Variants in ITGAL observed in about 807,000 individuals in gnomAD.
The protein encoded by ITGAL is integrin subunit alpha L, also known as integrin alpha-L.
ITGAL carries 68 observed loss-of-function variants against 138.4 expected under a neutral mutation model. The observed-to-expected ratio is 0.49, with a 90% CI of 0.40 to 0.60. ITGAL has a LOEUF of 0.60. Among genes scored for constraint, ITGAL ranks in the 20% least tolerant of loss-of-function variants. The pLI is 0.00. For synonymous variants in ITGAL, 561 were observed against 584.3 expected (o/e 0.96, Z 0.57); for missense variants, 1,256 against 1,478.6 (o/e 0.85, Z 2.47).
rs193227104 is a variant in ITGAL, at chr16:30,496,537, G to A, written c.1803G>A (p.Val601=). The change falls in exon 15 of 31, where the codon GTG becomes GTA. Residue 601 remains valine, a synonymous_variant. Transcript: ENST00000356798. ...LEGDGLADVA[V]GAESQMIVLS... ...GGGATGGCTTGGCAGATGTGGCTGT[G>A]GGGGCTGAGAGCCAGATGATCGTGC... is the stretch of plus-strand genomic sequence containing the variant. The A allele has an allele frequency of 2.9e-5, 47 of 1,613,950 alleles. No individual in the cohort carries two copies. The African/African-American group carries it at 4.7e-4, about 16-fold the overall frequency.
chr16:30,496,184 A>C lies in ITGAL; in HGVS notation c.1591A>C (p.Ile531Leu). 6.2e-7 allele frequency: 1 copy of C among 1,614,100 alleles called. No homozygotes were observed. Among genetic ancestry groups the C allele is most frequent in the South Asian group, 1.1e-5 (1 of 91,080 alleles). ...AGAAGCCATCACTGCTCTGACAGAC[A>C]TCAACGGCGATGGGCTGGTAGACGT... ...FGEAITALTD[I>L]NGDGLVDVAV... is the part of the protein sequence containing the mutation. Residue 531 changes from isoleucine to leucine, a missense_variant, in exon 14 of 31, where the codon ATC (isoleucine) becomes CTC (leucine). Coordinates refer to ENST00000356798, the MANE Select transcript of ITGAL (RefSeq NM_002209.3).
rs1416753193 is a variant in ITGAL at position 30,506,853 on chromosome 16, G to A, written c.2505G>A (p.Leu835=). The A allele has an allele frequency of 5.0e-6, 8 of 1,613,802 alleles. No homozygotes were observed. In the Admixed American group the frequency reaches 1.2e-4, roughly 24 times the overall value. Residue 835 remains leucine (L), a synonymous_variant, in exon 21 of 31, where the codon CTG becomes CTA. Transcript: ENST00000356798. ...PGLSFRKVEM[L]KPHSQIPVSC... is the part of the protein sequence containing the mutation. ...TCTCCTTCCGCAAGGTGGAGATGCT[G>A]AAGGTGGGTGAGAGGACAGCGCCTG...
At chr16:30,491,071 G>C (rs574686242) in intron 11 of ITGAL, among the ~76,000 whole-genome samples, 29 of 151,294 alleles carry the variant, frequency 1.9e-4, no homozygotes, top group Non-Finnish European at 3.4e-4. Flanking sequence ...GGAGGTTAAG[G>C]TTGCAGTGAA....
chr16:30,480,283 T>A (rs1242918698), intron 6 of ITGAL, among the ~76,000 whole-genome samples: 1 of 152,192 alleles, frequency 6.6e-6, no homozygotes, highest in Non-Finnish European at 1.5e-5. Context: ...TCTTCTCTTT[T>A]CTCAGTCTCC....
At chr16:30,477,388 A>C (rs2050487071) in intron 4 of ITGAL, 1 of 152,098 alleles carries the variant, frequency 6.6e-6, no homozygotes, top group Non-Finnish European at 1.5e-5. Context: ...CAAAAAAAAA[A>C]AAAATGTTTT....
chr16:30,485,149 T>G, intron 9 of ITGAL, among the ~76,000 whole-genome samples: 1 of 147,620 alleles, frequency 6.8e-6, no homozygotes, highest in Non-Finnish European at 1.5e-5. Context: ...TTCCTTCCCT[T>G]TCCCTCTCCT....
At chr16:30,476,768 G>A (rs1387848794) in intron 4 of ITGAL, among the ~76,000 whole-genome samples, 1 of 152,028 alleles carries the variant, frequency 6.6e-6, no homozygotes, top group Non-Finnish European at 1.5e-5. Flanking sequence ...GAGTAGCTGG[G>A]ATTACAGGCG....
At chr16:30,507,414 C>T (rs1215332553) in intron 21 of ITGAL, among the ~76,000 whole-genome samples, 10 of 148,870 alleles carry the variant, frequency 6.7e-5, no homozygotes, top group African/African-American at 2.5e-4. Context: ...GAGCCGAGAT[C>T]GCGCCACTGC....
At chr16:30,508,252 C>G (rs1260472920) in intron 21 of ITGAL, among the ~76,000 whole-genome samples, 1 of 136,288 alleles carries the variant, frequency 7.3e-6, no homozygotes. Context: ...TTGCTCTTGT[C>G]CCCCAGGCTA....
intron 2 of ITGAL, 71 bp downstream of exon 2, chr16:30,474,369 C>G: frequency 9.2e-7 from 1 of 1,087,362 alleles, no homozygotes; most frequent in Non-Finnish European, 1.4e-6. Flanking sequence ...TGGCCGCCTC[C>G]CCGACCCTCG....
At chr16:30,493,330 A>C (rs1397898626) in intron 11 of ITGAL, among the ~76,000 whole-genome samples, 1 of 148,334 alleles carries the variant, frequency 6.7e-6, no homozygotes, top group African/African-American at 2.5e-5. Context: ...CCCGGGCTGG[A>C]GTGTAGTAGC....
intron 21 of ITGAL, among the ~76,000 whole-genome samples, chr16:30,509,100 C>T (rs1252964299): frequency 6.6e-6 from 1 of 151,228 alleles, no homozygotes; most frequent in East Asian, 1.9e-4. Context: ...TCACTTGAAC[C>T]CAGGAGGTGG....
chr16:30,481,564 T>C lies in ITGAL; in HGVS notation c.702T>C (p.Phe234=). The C allele has an allele frequency of 1.2e-6, 2 of 1,613,826 alleles. No individual in the cohort carries two copies. Among genetic ancestry groups the C allele is most frequent in the Non-Finnish European group, 1.7e-6 (2 of 1,179,926 alleles). Reference sequence around the variant, plus strand: ...ACATGTTGCTGTTGACCAATACCTTTGGTGCCATCAATTATGTCGCGTGAG... The same window carrying C: ...ACATGTTGCTGTTGACCAATACCTTCGGTGCCATCAATTATGTCGCGTGAG... ...VKHMLLLTNT[F]GAINYVATEV... The change falls in exon 7 of 31, where the codon TTT becomes TTC. Residue 234 remains phenylalanine (F), a synonymous_variant. Transcript: ENST00000356798.
chr16:30,474,116 G>C (rs772220323), intron 1 of ITGAL, 80 bp from the exon 2 acceptor site: 13 of 1,049,610 alleles, frequency 1.2e-5, no homozygotes, highest in Non-Finnish European at 1.9e-5. Flanking sequence ...CATCCGGGTG[G>C]GCCTGGGATC....
chr16:30,512,515 T>C (rs1430634269), intron 24 of ITGAL, among the ~76,000 whole-genome samples: 2 of 140,850 alleles, frequency 1.4e-5, no homozygotes, highest in Non-Finnish European at 3.1e-5. Flanking sequence ...TGAACCCGGG[T>C]GGAGGAGGTT....
At chr16:30,498,896 C>T (rs2050843256) in intron 15 of ITGAL, 178 bp from the exon 16 acceptor site, 1 of 610,154 alleles carries the variant, frequency 1.6e-6, no homozygotes. Flanking sequence ...GTGAGACCCT[C>T]TCTCAAAATA....
rs767991338 is a variant in ITGAL at position 30,479,125 on chromosome 16, A to G, written c.362A>G (p.Gln121Arg). 9 of 1,614,146 alleles carry G rather than the reference A, an allele frequency of 5.6e-6. No individual in the cohort carries two copies. In the South Asian group the frequency reaches 9.9e-5, roughly 18 times the overall value. ...CDPGLSRTCD[Q>R]NTYLSGLCYL... ...CCTGGGCTGTCTCGAACGTGTGACC[A>G]GAACACCTATCTGAGTGGCCTGTGT... is the stretch of plus-strand genomic sequence containing the variant. Residue 121 changes from glutamine (Q) to arginine (R), a missense_variant, in exon 5 of 31, where the codon CAG becomes CGG. Physicochemically the swap from Gln to Arg is conservative, Grantham distance 43. Transcript: ENST00000356798.
intron 11 of ITGAL, among the ~76,000 whole-genome samples, chr16:30,490,797 G>A (rs568362969): frequency 7.2e-4 from 110 of 152,028 alleles, no homozygotes; most frequent in African/African-American, 2.7e-3. Flanking sequence ...GTGAAACCCC[G>A]TCTCTACTAA....
At chr16:30,497,855 G>T (rs1030685186) in intron 15 of ITGAL, among the ~76,000 whole-genome samples, 14 of 151,786 alleles carry the variant, frequency 9.2e-5, no homozygotes, top group African/African-American at 3.4e-4. Flanking sequence ...GCTAAGGCAG[G>T]AGGATGACTT....
Sources: allele counts gnomAD v4.1 joint callset (sites outside exome capture counted in the v4.1 genomes callset), GRCh38; gene constraint gnomAD v4.1.1; transcripts MANE v1.5; gene names NCBI Gene and HGNC (gene_info 2026-07-23, HGNC 2026-07-21).